Variants in MME observed in about 807,000 individuals in gnomAD.
The protein encoded by MME is neprilysin.
A neutral mutation model predicts 113.2 loss-of-function variants in MME; 98 were observed. That is an observed-to-expected ratio of 0.87 (90% CI 0.74 to 1.02). The LOEUF (loss-of-function observed/expected upper bound fraction) is 1.02, where lower values mean the gene tolerates loss of function less well. Among genes scored for constraint, MME ranks in the 50% least tolerant of loss-of-function variants. MME has a pLI of 0.00. For synonymous variants in MME, 292 were observed against 300.6 expected, an observed-to-expected ratio of 0.97 and a Z score of 0.30; for missense variants, 836 against 896.0, an observed-to-expected ratio of 0.93 and a Z score of 0.86.
intron 22 of MME, among the ~76,000 whole-genome samples, chr3:155,179,216 A>C (rs1468102591): frequency 6.6e-6 from 1 of 152,148 alleles, no homozygotes; most frequent in Non-Finnish European, 1.5e-5. Context: ...GGTTTGAGGA[A>C]CTGAAGGTAG....
intron 3 of MME, among the ~76,000 whole-genome samples, chr3:155,107,982 G>T (rs1717832654): frequency 6.6e-6 from 1 of 152,162 alleles, no homozygotes; most frequent in African/African-American, 2.4e-5. Context: ...CATCGTTCAG[G>T]CATCAGTTAT....
chr3:155,083,893 T>C (rs1199284766), intron 1 of MME: 1 of 408,330 alleles, frequency 2.4e-6, no homozygotes, highest in Non-Finnish European at 4.6e-6. Context: ...CTGTCTAATT[T>C]TGCTGAGATT....
At chr3:155,131,355 A>G (rs1720131661) in intron 8 of MME, among the ~76,000 whole-genome samples, 2 of 152,174 alleles carry the variant, frequency 1.3e-5, no homozygotes, top group Non-Finnish European at 2.9e-5. Context: ...AGCTTGTCTC[A>G]CTGCATAACA....
At chr3:155,176,531 A>ATAGAT (rs2108383730) in intron 22 of MME, among the ~76,000 whole-genome samples, 1 of 152,306 alleles carries the variant, frequency 6.6e-6, no homozygotes, top group East Asian at 1.9e-4. Context: ...ACTTTTCAAA[A>ATAGAT]TAGATTATCT....
intron 1 of MME, among the ~76,000 whole-genome samples, chr3:155,048,088 G>T (rs377676432): frequency 1.3e-5 from 2 of 152,192 alleles, no homozygotes; most frequent in East Asian, 3.9e-4. Context: ...TCAAAGCTCC[G>T]TCCCATTTTG....
At chr3:155,162,176 A>C (rs1205164832) in intron 17 of MME, among the ~76,000 whole-genome samples, 1 of 152,134 alleles carries the variant, frequency 6.6e-6, no homozygotes, top group Non-Finnish European at 1.5e-5. Context: ...GTGCATCCTC[A>C]GTAGGACCAC....
intron 1 of MME, among the ~76,000 whole-genome samples, chr3:155,058,069 C>A (rs1468864713): frequency 6.6e-6 from 1 of 151,930 alleles, no homozygotes; most frequent in African/African-American, 2.4e-5. Context: ...CGAAGGTACA[C>A]CAGTAGAGAG....
At chr3:155,026,638 C>A (rs1576657401) in intron 1 of MME, among the ~76,000 whole-genome samples, 1 of 152,132 alleles carries the variant, frequency 6.6e-6, no homozygotes, top group African/African-American at 2.4e-5. Context: ...GCATAAGAAT[C>A]GCTTGAACCC....
At chr3:155,161,764 T>C (rs1384745019) in intron 17 of MME, among the ~76,000 whole-genome samples, 1 of 152,146 alleles carries the variant, frequency 6.6e-6, no homozygotes, top group Non-Finnish European at 1.5e-5. Flanking sequence ...AAGATATGTT[T>C]ACTTGGCTTA....
At chr3:155,089,773 T>G in intron 3 of MME, 1 of 404,384 alleles carries the variant, frequency 2.5e-6, no homozygotes, top group Non-Finnish European at 5.1e-6. Context: ...AGGTCGGGAG[T>G]TGAAGACCAG....
At chr3:155,028,498 T>C (rs1712859872) in intron 1 of MME, among the ~76,000 whole-genome samples, 1 of 152,230 alleles carries the variant, frequency 6.6e-6, no homozygotes, top group African/African-American at 2.4e-5. Flanking sequence ...TAGCAGATGC[T>C]GTACTACCTG....
rs138222635 is a variant in MME, at chr3:155,088,001, G to A, written c.196+2907G>A. On this transcript the variant is annotated intron_variant, in intron 3 of 22. Coordinates refer to ENST00000360490, the MANE Select transcript of MME (RefSeq NM_007289.4). ...TAAAACACCTTGCAGGATGTATCTT[G>A]GCAGAGAAATGTATACAATAGAAAT... Among the ~76,000 whole-genome samples, 3 of 152,222 alleles carry A rather than the reference G, an allele frequency of 2.0e-5. No homozygotes were observed. The East Asian group carries it at 5.8e-4, about 29-fold the overall frequency.
At chr3:155,111,810 T>A (rs997889740) in intron 3 of MME, among the ~76,000 whole-genome samples, 2 of 152,170 alleles carry the variant, frequency 1.3e-5, no homozygotes, top group African/African-American at 4.8e-5. Context: ...CCCCTCCAAA[T>A]GGCATAGCCT....
chr3:155,168,821 C>T (rs1284552043), intron 20 of MME, 24 bp downstream of exon 20: 1 of 1,582,802 alleles, frequency 6.3e-7, no homozygotes. Flanking sequence ...ATTTTCTTTC[C>T]ATTTTAGTGA....
At chr3:155,100,549 G>A (rs577254037) in intron 3 of MME, among the ~76,000 whole-genome samples, 4 of 152,284 alleles carry the variant, frequency 2.6e-5, no homozygotes, top group Admixed American at 6.5e-5. Context: ...TATACAAATA[G>A]TATTGTGATG....
intron 1 of MME, among the ~76,000 whole-genome samples, chr3:155,028,140 C>G (rs989691844): frequency 2.0e-5 from 3 of 152,140 alleles, no homozygotes; most frequent in African/African-American, 7.2e-5. Flanking sequence ...TTTCTAGGCT[C>G]TGGAGATTTA....
Position 155,146,660 on chromosome 3 carries a change from A to G in MME, c.1417-484A>G, listed in dbSNP as rs115268916. Among the ~76,000 whole-genome samples the G allele has an allele frequency of 4.9e-3, 739 of 152,286 alleles. 4 individuals carry two copies. Among genetic ancestry groups the G allele is most frequent in the African/African-American group, 0.017 (708 of 41,574 alleles). ...AAGATAGGTACACTGACTTTGGAGAATAAAGGAGAACATAAAAACTCCAGG... is the reference window on the plus strand; with the variant it reads ...AAGATAGGTACACTGACTTTGGAGAGTAAAGGAGAACATAAAAACTCCAGG... On this transcript the variant is annotated intron_variant, in intron 14 of 22. Transcript: ENST00000360490.
chr3:155,182,346 G>A lies in MME; in HGVS notation c.*1887G>A, dbSNP rs148738801. ...GCACTTGAGAACTTTCCATTTTGGCGCTATTACAAATAGTGCAACTATGAA... is the reference window on the plus strand; with the variant it reads ...GCACTTGAGAACTTTCCATTTTGGCACTATTACAAATAGTGCAACTATGAA... On this transcript the variant is annotated 3_prime_UTR_variant, in exon 23 of 23. Coordinates refer to ENST00000360490, the MANE Select transcript of MME (RefSeq NM_007289.4). 14 of 152,036 alleles carry A rather than the reference G, an allele frequency of 9.2e-5. No individual in the cohort carries two copies. Among genetic ancestry groups the A allele is most frequent in the South Asian group, 2.1e-4 (1 of 4,808 alleles). The allele number at this position is 152,036 out of a possible 1,614,324, so 9.4% of individuals were successfully genotyped here. A position where few individuals can be genotyped will look rare whatever the true frequency, so the allele number is the denominator to read the frequency against.
intron 3 of MME, among the ~76,000 whole-genome samples, chr3:155,087,269 C>A (rs1220305696): frequency 3.6e-5 from 4 of 110,712 alleles, no homozygotes; most frequent in Non-Finnish European, 3.8e-5. Flanking sequence ...TTTTTTGTAT[C>A]GTTTTTTGAT....
Sources: gnomAD v4.1 joint callset for allele counts (sites outside exome capture counted in the v4.1 genomes callset) on GRCh38, gnomAD v4.1.1 for gene constraint, MANE v1.5 for transcripts, NCBI Gene and HGNC (gene_info 2026-07-23, HGNC 2026-07-21) for gene names.